The following FGGY variants were observed in gnomAD, a reference collection of about 807,000 sequenced individuals.
FGGY encodes FGGY carbohydrate kinase domain-containing protein.
FGGY carries 72 observed loss-of-function variants against 71.3 expected under a neutral mutation model. The ratio of observed to expected loss-of-function variants is 1.01; its 90% CI spans 0.84 to 1.23. FGGY has a LOEUF of 1.23. Among genes scored for constraint, FGGY ranks in the 50% most tolerant of loss-of-function variants. The pLI is 0.00. For synonymous variants in FGGY, 251 were observed against 250.3 expected (o/e 1.00, Z -0.02); for missense variants, 668 against 682.3 (o/e 0.98, Z 0.23).
At chr1:59,486,567 T>C (rs2093664456) in intron 6 of FGGY, among the ~76,000 whole-genome samples, 1 of 152,186 alleles carries the variant, frequency 6.6e-6, no homozygotes, top group Non-Finnish European at 1.5e-5. Context: ...CTAACAGGGC[T>C]AGTTCCTGGA....
rs371851463 is a variant in FGGY at position 59,457,019 on chromosome 1, A to T, written c.613A>T (p.Ser205Cys). The change falls in exon 6 of 16, where the codon AGT (serine) becomes TGT (cysteine). Residue 205 changes from serine (S) to cysteine (C), a missense_variant. Coordinates refer to ENST00000303721, the MANE Select transcript of FGGY (RefSeq NM_018291.5). ...TYSAEKGWDD[S>C]FWKMIGLEDF... is the part of the protein sequence containing the mutation. ...TTCAGCAGAGAAAGGCTGGGACGAC[A>T]GTTTCTGGAAAATGATTGGTTTGGA... 67 of 1,614,032 alleles carry T rather than the reference A, an allele frequency of 4.2e-5. No individual in the cohort carries two copies. Among genetic ancestry groups the T allele is most frequent in the Middle Eastern group, 1.6e-4 (1 of 6,084 alleles).
chr1:59,321,942 A>T (rs534054341), intron 2 of FGGY, among the ~76,000 whole-genome samples, 192 bp downstream of exon 2: 1 of 152,320 alleles, frequency 6.6e-6, no homozygotes, highest in African/African-American at 2.4e-5. Context: ...AAGAGCTGGG[A>T]TCAAAGTAAC....
intron 14 of FGGY, among the ~76,000 whole-genome samples, chr1:59,715,114 C>T (rs1448740241): frequency 6.6e-6 from 1 of 152,130 alleles, no homozygotes; most frequent in African/African-American, 2.4e-5. Flanking sequence ...TGCATTTGAA[C>T]TTGCTGGGTT....
At chr1:59,531,313 AGTGGTATT>A (rs1403775186) in intron 7 of FGGY, among the ~76,000 whole-genome samples, 31 of 152,198 alleles carry the variant, frequency 2.0e-4, no homozygotes, top group Admixed American at 2.0e-3. Context: ...CTACTATTGA[AGTGGTATT>A]GTTGGAATAA....
At chr1:59,529,689 C>A (rs1426427560) in intron 7 of FGGY, among the ~76,000 whole-genome samples, 1 of 152,178 alleles carries the variant, frequency 6.6e-6, no homozygotes, top group Non-Finnish European at 1.5e-5. Context: ...TGTGCTTCCT[C>A]TTTCTCCCTG....
intron 4 of FGGY, among the ~76,000 whole-genome samples, chr1:59,352,640 C>T (rs2053530543): frequency 6.6e-6 from 1 of 152,186 alleles, no homozygotes; most frequent in Non-Finnish European, 1.5e-5. Context: ...GGTTTGATAA[C>T]TTCCTGCTAG....
At chr1:59,649,731 A>G (rs2097137369) in intron 11 of FGGY, among the ~76,000 whole-genome samples, 1 of 138,988 alleles carries the variant, frequency 7.2e-6, no homozygotes, top group African/African-American at 3.1e-5. Flanking sequence ...TCCTAATTGG[A>G]TACCCTTTAT....
At chr1:59,518,337 C>T (rs945211474) in intron 7 of FGGY, among the ~76,000 whole-genome samples, 9 of 152,000 alleles carry the variant, frequency 5.9e-5, no homozygotes, top group South Asian at 2.1e-4. Context: ...CTAAAGCCTG[C>T]GACTTTAGAT....
intron 4 of FGGY, among the ~76,000 whole-genome samples, chr1:59,360,124 A>C (rs1374798288): frequency 7.3e-6 from 1 of 137,164 alleles, no homozygotes; most frequent in Non-Finnish European, 1.5e-5. Flanking sequence ...TTTTTCTATC[A>C]TTGTTATTAT....
At chr1:59,419,766 C>T (rs1025117427) in intron 5 of FGGY, among the ~76,000 whole-genome samples, 3 of 151,988 alleles carry the variant, frequency 2.0e-5, no homozygotes, top group Non-Finnish European at 4.4e-5. Context: ...GAGTGTCTGC[C>T]GTCAGTGAAG....
Position 59,430,948 on chromosome 1 carries a change from T to C in FGGY, c.555-26013T>C, listed in dbSNP as rs530152559. 1.6e-4 allele frequency among the ~76,000 whole-genome samples: 24 copies of C among 152,322 alleles called. No homozygotes were observed. In the South Asian group the frequency reaches 5.0e-3, roughly 32 times the overall value. ...TAAATTTGCTTTTCTTTCTGTGTTT[T>C]CTATCATGGTAAAGGTGCTGTGATC... is the stretch of plus-strand genomic sequence containing the variant. On this transcript the variant is annotated intron_variant, in intron 5 of 15. Coordinates refer to ENST00000303721, the MANE Select transcript of FGGY (RefSeq NM_018291.5).
At chr1:59,610,772 G>A (rs146409141) in intron 9 of FGGY, among the ~76,000 whole-genome samples, 2 of 152,366 alleles carry the variant, frequency 1.3e-5, no homozygotes, top group Admixed American at 6.5e-5. Context: ...GCCAAGGAAA[G>A]CCATGACAGA....
chr1:59,477,411 T>C (rs2093310903), intron 6 of FGGY, among the ~76,000 whole-genome samples: 2 of 152,148 alleles, frequency 1.3e-5, no homozygotes, highest in Admixed American at 6.5e-5. Flanking sequence ...AGGTCACCAG[T>C]TGACTAATGG....
Position 59,762,527 on chromosome 1 carries a change from A to G in FGGY, c.1599A>G (p.Val533=). The G allele has an allele frequency of 1.2e-6, 2 of 1,613,790 alleles. No individual in the cohort carries two copies. Among genetic ancestry groups the G allele is most frequent in the South Asian group, 1.1e-5 (1 of 91,004 alleles). Residue 533 remains valine, a synonymous_variant, in exon 16 of 16, where the codon GTA becomes GTG. Transcript: ENST00000303721. ...GATACTATGATAAGAAATACCAAGT[A>G]TTCCTGAAGCTGGTTGAACACCAGA... is the stretch of plus-strand genomic sequence containing the variant. ...DKKYYDKKYQ[V]FLKLVEHQKE...
At chr1:59,330,964 C>T (rs2048357776) in intron 2 of FGGY, among the ~76,000 whole-genome samples, 1 of 151,868 alleles carries the variant, frequency 6.6e-6, no homozygotes, top group Non-Finnish European at 1.5e-5. Context: ...GTTTCAGAGG[C>T]TGAGATTTTT....
At chr1:59,653,033 C>T (rs1236720644) in intron 11 of FGGY, among the ~76,000 whole-genome samples, 1 of 152,190 alleles carries the variant, frequency 6.6e-6, no homozygotes, top group East Asian at 1.9e-4. Context: ...CAGTGTGCTC[C>T]TGCTGGGGGG....
chr1:59,757,869 A>G (rs1342514074), intron 14 of FGGY, 62 bp from the exon 15 acceptor site: 16 of 1,189,910 alleles, frequency 1.3e-5, no homozygotes, highest in Admixed American at 7.4e-5. Context: ...TTTGCCTGTG[A>G]CAAGCCTCGC....
At chr1:59,690,232 A>G (rs1485864412) in intron 14 of FGGY, among the ~76,000 whole-genome samples, 3 of 152,158 alleles carry the variant, frequency 2.0e-5, no homozygotes, top group Non-Finnish European at 4.4e-5. Context: ...GGCCCCTAAA[A>G]GTGATAGAGG....
chr1:59,644,220 GC>G (rs372078201), intron 11 of FGGY, among the ~76,000 whole-genome samples: 10 of 152,106 alleles, frequency 6.6e-5, no homozygotes, highest in African/African-American at 2.4e-4. Context: ...TGGTTCTAAT[GC>G]CTTCCACACT....
Sources: allele counts gnomAD v4.1 joint callset (sites outside exome capture counted in the v4.1 genomes callset), GRCh38; gene constraint gnomAD v4.1.1; transcripts MANE v1.5; gene names NCBI Gene and HGNC (gene_info 2026-07-23, HGNC 2026-07-21).